Variants in PCDHA2 observed in about 807,000 individuals in gnomAD.
The protein encoded by PCDHA2 is protocadherin alpha-2.
A neutral mutation model predicts 66.0 loss-of-function variants in PCDHA2; 58 were observed. The observed-to-expected ratio is 0.88, with a 90% CI of 0.71 to 1.09. PCDHA2 has a LOEUF of 1.09. PCDHA2 is among the 50% of genes least tolerant of loss of function. PCDHA2 has a pLI of 0.00. For synonymous variants in PCDHA2, 634 were observed against 554.0 expected (o/e 1.14, Z -2.03); for missense variants, 1,267 against 1,242.3 (o/e 1.02, Z -0.30).
intron 1 of PCDHA2, among the ~76,000 whole-genome samples, chr5:140,956,246 C>T (rs2095270779): frequency 6.6e-6 from 1 of 152,094 alleles, no homozygotes; most frequent in African/African-American, 2.4e-5. Context: ...GGGAATGCTT[C>T]CAGGTTTTGC....
intron 1 of PCDHA2, chr5:140,967,662 A>G: frequency 6.2e-7 from 1 of 1,614,192 alleles, no homozygotes; most frequent in Non-Finnish European, 8.5e-7. Context: ...TTGAGCAGCT[A>G]CACGTCGGAC....
chr5:141,009,634 G>A lies in PCDHA2; in HGVS notation c.2544G>A (p.Glu848=). The change falls in exon 4 of 4, where the codon GAG becomes GAA. Residue 848 remains glutamate (E), a synonymous_variant. Transcript: ENST00000526136. Reference sequence around the variant, plus strand: ...TAATGTTTTGTCTTTCAGAACCAGAGGCAGGAGAAGTGTCCCCTCCAGTCG... The same window carrying A: ...TAATGTTTTGTCTTTCAGAACCAGAAGCAGGAGAAGTGTCCCCTCCAGTCG... The part of the protein sequence containing the change: ...PTVSSATPEP[E]AGEVSPPVGA... The A allele has an allele frequency of 6.2e-7, 1 of 1,613,116 alleles. No individual in the cohort carries two copies. The highest frequency in any genetic ancestry group is 8.5e-7 in the Non-Finnish European group (1 of 1,179,406).
chr5:140,884,547 C>G, intron 1 of PCDHA2: 1 of 1,614,214 alleles, frequency 6.2e-7, no homozygotes, highest in East Asian at 2.2e-5. Context: ...AGGGTGTGCT[C>G]TGGGGAGGGC....
intron 1 of PCDHA2, among the ~76,000 whole-genome samples, chr5:140,961,632 A>G (rs373824042): frequency 7.9e-5 from 12 of 152,214 alleles, no homozygotes; most frequent in South Asian, 4.1e-4. Flanking sequence ...ATGAAAAACA[A>G]TCTTAAGTCT....
intron 1 of PCDHA2, among the ~76,000 whole-genome samples, chr5:140,885,773 G>T (rs1419137937): frequency 6.6e-6 from 1 of 152,016 alleles, no homozygotes; most frequent in African/African-American, 2.4e-5. Flanking sequence ...TATAGTATTA[G>T]TGAATTTGAG....
At chr5:140,957,339 TGAGA>T (rs2095352193) in intron 1 of PCDHA2, among the ~76,000 whole-genome samples, 1 of 152,152 alleles carries the variant, frequency 6.6e-6, no homozygotes, top group African/African-American at 2.4e-5. Context: ...TAAGATATTT[TGAGA>T]GAGAGACCAC....
At chr5:140,828,370 G>A (rs2150154603) in intron 1 of PCDHA2, 1 of 1,614,292 alleles carries the variant, frequency 6.2e-7, no homozygotes, top group South Asian at 1.1e-5. Context: ...TCGACCGCGA[G>A]GAGCTGTGCG....
intron 1 of PCDHA2, chr5:140,856,974 T>C: frequency 6.3e-7 from 1 of 1,594,506 alleles, no homozygotes; most frequent in African/African-American, 1.3e-5. Context: ...GCTATTGACT[T>C]TGAGGACAGT....
At chr5:140,922,802 GA>G (rs1475670811) in intron 1 of PCDHA2, among the ~76,000 whole-genome samples, 1 of 152,162 alleles carries the variant, frequency 6.6e-6, no homozygotes, top group African/African-American at 2.4e-5. Flanking sequence ...TTGGAATACA[GA>G]AAAAGGAGAT....
intron 1 of PCDHA2, chr5:140,801,356 G>C: frequency 6.2e-7 from 1 of 1,613,398 alleles, no homozygotes. Flanking sequence ...AGGACCTGGG[G>C]CTGGAGCTGG....
chr5:140,834,491 C>G (rs2150219703), intron 1 of PCDHA2: 164 of 1,614,076 alleles, frequency 1.0e-4, no homozygotes, highest in Non-Finnish European at 1.3e-4. Flanking sequence ...ACTCGGTCCC[C>G]GAGGAGGCTA....
intron 1 of PCDHA2, among the ~76,000 whole-genome samples, chr5:140,840,813 G>A (rs1465831729): frequency 6.6e-6 from 1 of 152,040 alleles, no homozygotes; most frequent in South Asian, 2.1e-4. Context: ...ATATACCAGT[G>A]TTTCTGGTGA....
intron 1 of PCDHA2, chr5:140,850,881 A>G (rs2041865232): frequency 1.3e-6 from 2 of 1,586,312 alleles, no homozygotes; most frequent in African/African-American, 1.4e-5. Context: ...CTCAGATTCA[A>G]CTGGGAAGGT....
intron 1 of PCDHA2, chr5:140,858,571 C>T: frequency 7.3e-7 from 1 of 1,362,320 alleles, no homozygotes. Flanking sequence ...CTAGTGATAC[C>T]TTTGTAATAT....
intron 1 of PCDHA2, chr5:140,803,723 G>GT: frequency 6.8e-7 from 1 of 1,478,036 alleles, no homozygotes; most frequent in Non-Finnish European, 9.1e-7. Flanking sequence ...CAGTTTTGTG[G>GT]TTTTGTGGTT....
chr5:140,941,191 TTTTCTTTCTTCCTTTCTTTCTTCC>T (rs1293685535), intron 1 of PCDHA2, among the ~76,000 whole-genome samples: 31 of 93,206 alleles, frequency 3.3e-4, no homozygotes, highest in African/African-American at 1.1e-3. Context: ...GCTTCTTTTT[TTTTCTTTCTTCCTTTCTTTCTTCC>T]TTTCTTTCTT....
chr5:140,905,643 A>G (rs532700036), intron 1 of PCDHA2, among the ~76,000 whole-genome samples: 1 of 152,306 alleles, frequency 6.6e-6, no homozygotes, highest in Non-Finnish European at 1.5e-5. Context: ...TCAGTTTCAC[A>G]GTATTGATTC....
intron 1 of PCDHA2, chr5:140,855,976 G>C: frequency 6.9e-7 from 1 of 1,448,118 alleles, no homozygotes; most frequent in Non-Finnish European, 9.3e-7. Context: ...TAAGAAATAG[G>C]ACAGAAAATG....
At chr5:140,883,144 A>C (rs782107481) in intron 1 of PCDHA2, 4 of 1,614,086 alleles carry the variant, frequency 2.5e-6, no homozygotes, top group Non-Finnish European at 3.4e-6. Context: ...TGGTATATGC[A>C]TTTACCATAA....
Sources: allele counts gnomAD v4.1 joint callset (sites outside exome capture counted in the v4.1 genomes callset), GRCh38; gene constraint gnomAD v4.1.1; transcripts MANE v1.5; gene names NCBI Gene and HGNC (gene_info 2026-07-23, HGNC 2026-07-21).